Variants in TTBK1 observed in about 807,000 individuals in gnomAD.
TTBK1 encodes tau-tubulin kinase 1.
In TTBK1, 34 loss-of-function variants were observed where a neutral mutation model predicts 108.5. The observed-to-expected ratio is 0.31, with a 90% CI of 0.24 to 0.42. The LOEUF (loss-of-function observed/expected upper bound fraction) is 0.42, where lower values mean the gene tolerates loss of function less well. Among genes scored for constraint, TTBK1 ranks in the 10% least tolerant of loss-of-function variants. The pLI is 1.00. For synonymous variants in TTBK1, 809 were observed against 795.1 expected (o/e 1.02, Z -0.29); for missense variants, 1,539 against 1,826.0 (o/e 0.84, Z 2.86).
rs1177789881 is a variant in TTBK1 at position 43,253,675 on chromosome 6, C to T, written c.438C>T (p.His146=). 6.2e-7 allele frequency: 1 copy of T among 1,613,612 alleles called. No individual in the cohort carries two copies. Among genetic ancestry groups the T allele is most frequent in the South Asian group, 1.1e-5 (1 of 91,036 alleles). The stretch of plus-strand genomic sequence containing the variant: ...TCTTGGAGTCCATCGAGGCCATCCA[C>T]TCTGTGGGCTTCCTGCACCGTGACA... ...KQILESIEAI[H]SVGFLHRDIK... The change falls in exon 5 of 15, where the codon CAC becomes CAT. Residue 146 remains histidine, a synonymous_variant. Transcript: ENST00000259750. The surrounding 1 kb of genome is among the most constrained non-coding windows in gnomAD (Gnocchi z 5.8).
In TTBK1 at chr6:43,285,650, G is replaced by C. The variant is rs886451178; in HGVS notation, c.*274G>C. Reference sequence around the variant, plus strand: ...TCATCCTCCCGCCGCCCGTCAGGCCGGCCAGCCTCACATCAGTCTCTCCGC... The same window carrying C: ...TCATCCTCCCGCCGCCCGTCAGGCCCGCCAGCCTCACATCAGTCTCTCCGC... On this transcript the variant is annotated 3_prime_UTR_variant, in exon 15 of 15. Transcript: ENST00000259750. The surrounding 1 kb of genome is among the most constrained non-coding windows in gnomAD (Gnocchi z 4.7). 1.0e-5 allele frequency: 3 copies of C among 294,044 alleles called. No homozygotes were observed. Among genetic ancestry groups the C allele is most frequent in the Non-Finnish European group, 1.2e-5 (2 of 161,522 alleles). 18.2% of individuals were successfully genotyped at this position (294,044 alleles called of 1,614,324 possible).
intron 9 of TTBK1, among the ~76,000 whole-genome samples, chr6:43,256,909 C>T (rs539666232): frequency 4.7e-4 from 71 of 152,244 alleles, no homozygotes; most frequent in African/African-American, 1.4e-3. Flanking sequence ...CTTCTGACTC[C>T]GAGTCCAGGG....
In TTBK1 at chr6:43,260,508, T is replaced by C. The variant is rs114724978; in HGVS notation, c.1424+802T>C. On this transcript the variant is annotated intron_variant, in intron 12 of 14. Transcript: ENST00000259750. ...TATCCTTTCTGGCATCCACTCTGTG[T>C]GTCTCCTTGTGAGCAACCTCAGTCC... Among the ~76,000 whole-genome samples the C allele has an allele frequency of 9.1e-3, 1,384 of 152,340 alleles. 10 individuals carry two copies. The highest frequency in any genetic ancestry group is 0.014 in the Non-Finnish European group (979 of 68,032).
chr6:43,276,191 A>G lies in TTBK1; in HGVS notation c.1987-6536A>G, dbSNP rs1216356951. ...CCTCGACCCCCCATTTTGTACTGCAATAATACTGTATTATACGCTTGCACT... is the reference window on the plus strand; with the variant it reads ...CCTCGACCCCCCATTTTGTACTGCAGTAATACTGTATTATACGCTTGCACT... On this transcript the variant is annotated intron_variant, in intron 13 of 14. Coordinates refer to ENST00000259750, the MANE Select transcript of TTBK1 (RefSeq NM_032538.3). The surrounding 1 kb of genome is among the most constrained non-coding windows in gnomAD (Gnocchi z 5.4). Among the ~76,000 whole-genome samples, 1 of 152,092 alleles carries G rather than the reference A, an allele frequency of 6.6e-6. No homozygotes were observed. Among genetic ancestry groups the G allele is most frequent in the African/African-American group, 2.4e-5 (1 of 41,412 alleles).
chr6:43,257,767 C>G lies in TTBK1; in HGVS notation c.862-45C>G. The G allele has an allele frequency of 6.3e-7, 1 of 1,579,090 alleles. No homozygotes were observed. Among genetic ancestry groups the G allele is most frequent in the Non-Finnish European group, 8.6e-7 (1 of 1,157,882 alleles). On this transcript the variant is annotated intron_variant, in intron 9 of 14. Coordinates refer to ENST00000259750, the MANE Select transcript of TTBK1 (RefSeq NM_032538.3). This position sits in a 1 kb window ranked among gnomAD's most constrained non-coding sequence, Gnocchi z 4.5. The stretch of plus-strand genomic sequence containing the variant: ...CAACTGCCCCTTCCTCCTGGCTAGC[C>G]CCCGGATCACCTCTCTGTCCTCCCA...
Position 43,253,848 on chromosome 6 carries a change from G to A in TTBK1, c.471+140G>A. On this transcript the variant is annotated intron_variant, in intron 5 of 14. Coordinates refer to ENST00000259750, the MANE Select transcript of TTBK1 (RefSeq NM_032538.3). This position sits in a 1 kb window ranked among gnomAD's most constrained non-coding sequence, Gnocchi z 5.8. ...AGCCTCTTCTCCCCAAGCCCCTCCT[G>A]CTCTCCTTCCCAGGCCCCATCTCTT... 8.7e-7 allele frequency: 1 copy of A among 1,154,002 alleles called. No homozygotes were observed. The highest frequency in any genetic ancestry group is 1.2e-6 in the Non-Finnish European group (1 of 841,578). 71.5% of individuals were successfully genotyped at this position (1,154,002 alleles called of 1,614,324 possible). A position where few individuals can be genotyped will look rare whatever the true frequency, so the allele number is the denominator to read the frequency against.
rs1024481707 is a variant in TTBK1 at position 43,276,099 on chromosome 6, C to T, written c.1987-6628C>T. ...GATAGGAAGGGGATTAGCGAGAGGACCCTCGCGGAGGTCCTGAGTCCCAGT... is the reference window on the plus strand; with the variant it reads ...GATAGGAAGGGGATTAGCGAGAGGATCCTCGCGGAGGTCCTGAGTCCCAGT... On this transcript the variant is annotated intron_variant, in intron 13 of 14. Transcript: ENST00000259750. This position sits in a 1 kb window ranked among gnomAD's most constrained non-coding sequence, Gnocchi z 5.4. Among the ~76,000 whole-genome samples, 18 of 152,122 alleles carry T rather than the reference C, an allele frequency of 1.2e-4. No individual in the cohort carries two copies. The highest frequency in any genetic ancestry group is 1.9e-4 in the Non-Finnish European group (13 of 68,002).
Position 43,282,401 on chromosome 6 carries a change from T to C in TTBK1, c.1987-326T>C, listed in dbSNP as rs1778189485. Among the ~76,000 whole-genome samples the C allele has an allele frequency of 6.6e-6, 1 of 152,190 alleles. No homozygotes were observed. The highest frequency in any genetic ancestry group is 1.5e-5 in the Non-Finnish European group (1 of 68,034). On this transcript the variant is annotated intron_variant, in intron 13 of 14. Coordinates refer to ENST00000259750, the MANE Select transcript of TTBK1 (RefSeq NM_032538.3). The surrounding 1 kb of genome is among the most constrained non-coding windows in gnomAD (Gnocchi z 5.4). ...TGCTGACTCGGGTGCAGGATGCACATGGCGATGAGAGGGGCTGGGGACATA... is the reference window on the plus strand; with the variant it reads ...TGCTGACTCGGGTGCAGGATGCACACGGCGATGAGAGGGGCTGGGGACATA...
In TTBK1 at chr6:43,276,332, G is replaced by A. The variant is rs1409254809; in HGVS notation, c.1987-6395G>A. Among the ~76,000 whole-genome samples the A allele has an allele frequency of 2.0e-5, 3 of 152,082 alleles. No homozygotes were observed. The highest frequency in any genetic ancestry group is 7.2e-5 in the African/African-American group (3 of 41,394). ...GCTTTTTTTCTTCCTCTCTCTCTCC[G>A]GGGTGCGTCCTCCTTAGTGTACATA... On this transcript the variant is annotated intron_variant, in intron 13 of 14. Transcript: ENST00000259750. This position sits in a 1 kb window ranked among gnomAD's most constrained non-coding sequence, Gnocchi z 5.4.
chr6:43,246,209 C>T (rs1777080595), intron 1 of TTBK1, among the ~76,000 whole-genome samples: 1 of 152,206 alleles, frequency 6.6e-6, no homozygotes, highest in Non-Finnish European at 1.5e-5. Context: ...TGCACAGCTC[C>T]ATGGACATTT....
intron 12 of TTBK1, 76 bp from the exon 13 acceptor site, chr6:43,262,713 C>A: frequency 7.1e-7 from 1 of 1,406,854 alleles, no homozygotes; most frequent in Non-Finnish European, 9.4e-7. Context: ...AGTCACGCCC[C>A]ACCCTGCCGC....
intron 13 of TTBK1, chr6:43,271,310 A>T: frequency 1.0e-6 from 1 of 985,484 alleles, no homozygotes; most frequent in South Asian, 4.7e-5. Flanking sequence ...GCGTTTGTGC[A>T]TGTGGAAGGG....
At position 43,285,329 on chromosome 6, in the gene TTBK1, A is replaced by G; in HGVS notation, c.3919A>G (p.Thr1307Ala). Residue 1307 changes from threonine to alanine, a missense_variant, in exon 15 of 15, where the codon ACC (threonine) becomes GCC (alanine). Transcript: ENST00000259750. This position sits in a 1 kb window ranked among gnomAD's most constrained non-coding sequence, Gnocchi z 4.7. ...RGKLQAQRAT[T>A]KGRAGGAEGR... ...GAAACTCCAGGCTCAGCGCGCAACA[A>G]CCAAAGGCCGGGCAGGAGGCGCGGA... 1.6e-6 allele frequency: 2 copies of G among 1,289,310 alleles called. No individual in the cohort carries two copies. The highest frequency in any genetic ancestry group is 9.8e-7 in the Non-Finnish European group (1 of 1,023,448). The allele number at this position is 1,289,310 out of a possible 1,614,324, so 79.9% of individuals were successfully genotyped here. A position where few individuals can be genotyped will look rare whatever the true frequency, so the allele number is the denominator to read the frequency against.
At position 43,272,374 on chromosome 6, in the gene TTBK1, T is replaced by C. The variant is rs985136311; in HGVS notation, c.1986+9024T>C. On this transcript the variant is annotated intron_variant, in intron 13 of 14. Coordinates refer to ENST00000259750, the MANE Select transcript of TTBK1 (RefSeq NM_032538.3). ...AATATTGAAGATGATGGCACTGGCT[T>C]CAGCCTCATTTCAGCATTACATACA... The C allele has an allele frequency of 8.1e-6, 8 of 985,496 alleles. No homozygotes were observed. The South Asian group carries it at 3.8e-4, about 46-fold the overall frequency. The allele number at this position is 985,496 out of a possible 1,614,324, so 61.0% of individuals were successfully genotyped here. A position where few individuals can be genotyped will look rare whatever the true frequency, so the allele number is the denominator to read the frequency against.
In TTBK1 at chr6:43,285,117, C is replaced by T. The variant is rs749480748; in HGVS notation, c.3707C>T (p.Pro1236Leu). ...CCAGCGCCGCGCAGCCCGCGCCTCC[C>T]CGCGTCCACATCCGCCGCGCGCAAT... ...RPPAPRSPRLPASTSAARNAS... is the reference protein window; with the variant it reads ...RPPAPRSPRLLASTSAARNAS... The change falls in exon 15 of 15, where the codon CCC becomes CTC. Residue 1236 changes from proline to leucine, a missense_variant. Physicochemically the swap from Pro to Leu is moderately conservative, Grantham distance 98 (BLOSUM62 -3). This residue lies in a region of TTBK1 where 1,055 missense variants were observed against 1,086.5 expected (regional missense o/e 0.97). Transcript: ENST00000259750. The surrounding 1 kb of genome is among the most constrained non-coding windows in gnomAD (Gnocchi z 4.7). 4 of 1,469,316 alleles carry T rather than the reference C, an allele frequency of 2.7e-6. No individual in the cohort carries two copies. The East Asian group carries it at 8.9e-5, about 33-fold the overall frequency. 91.0% of individuals were successfully genotyped at this position (1,469,316 alleles called of 1,614,324 possible).
At position 43,285,394 on chromosome 6, in the gene TTBK1, C is replaced by G. The variant is rs1030606008; in HGVS notation, c.*18C>G. Reference sequence around the variant, plus strand: ...CCAGATAATGACGCCCGCTGCTCTCCGCGGTCCCCCACCCTCACCCCGGCC... The same window carrying G: ...CCAGATAATGACGCCCGCTGCTCTCGGCGGTCCCCCACCCTCACCCCGGCC... On this transcript the variant is annotated 3_prime_UTR_variant, in exon 15 of 15. Coordinates refer to ENST00000259750, the MANE Select transcript of TTBK1 (RefSeq NM_032538.3). This position sits in a 1 kb window ranked among gnomAD's most constrained non-coding sequence, Gnocchi z 4.7. 3.2e-6 allele frequency: 4 copies of G among 1,269,060 alleles called. No homozygotes were observed. Among genetic ancestry groups the G allele is most frequent in the Admixed American group, 4.2e-5 (1 of 23,736 alleles). 78.6% of individuals were successfully genotyped at this position (1,269,060 alleles called of 1,614,324 possible). A position where few individuals can be genotyped will look rare whatever the true frequency, so the allele number is the denominator to read the frequency against.
chr6:43,259,268 A>G lies in TTBK1; in HGVS notation c.1247A>G (p.Lys416Arg). The G allele has an allele frequency of 4.5e-6, 7 of 1,547,486 alleles. No individual in the cohort carries two copies. The highest frequency in any genetic ancestry group is 6.1e-6 in the Non-Finnish European group (7 of 1,147,410). Residue 416 changes from lysine to arginine, a missense_variant and splice_region_variant, in exon 11 of 15, where the codon AAA becomes AGA. Around this residue, in one of 5 missense-constraint regions of TTBK1, gnomAD observed 277 missense variants for 332.4 expected, o/e 0.83. Coordinates refer to ENST00000259750, the MANE Select transcript of TTBK1 (RefSeq NM_032538.3). This position sits in a 1 kb window ranked among gnomAD's most constrained non-coding sequence, Gnocchi z 6.7. ...NRNKLRINIG[K>R]SPCVEEEQSR... ...AACAAACTCCGGATCAACATCGGCA[A>G]AGTAACTGCCGCCAGGGCGAAGGGC...
chr6:43,246,811 G>A (rs1777101344), intron 2 of TTBK1, 43 bp downstream of exon 2: 3 of 1,525,496 alleles, frequency 2.0e-6, no homozygotes, highest in Non-Finnish European at 2.7e-6. Context: ...GTAGCGGGGA[G>A]GGAGGCGAGG....
rs867322555 is a variant in TTBK1, at chr6:43,261,829, A to G, written c.1425-960A>G. Among the ~76,000 whole-genome samples, 244 of 150,454 alleles carry G rather than the reference A, an allele frequency of 1.6e-3. 4 individuals carry two copies. In the Middle Eastern group the frequency reaches 0.045, roughly 27 times the overall value. The stretch of plus-strand genomic sequence containing the variant: ...GTCTCAAAAAAAAAAAAAAAAAAAA[A>G]GATAACGACAGAAGAGATGTCCCAA... On this transcript the variant is annotated intron_variant, in intron 12 of 14. Transcript: ENST00000259750.
Sources: allele counts gnomAD v4.1 joint callset (sites outside exome capture counted in the v4.1 genomes callset), GRCh38; gene constraint gnomAD v4.1.1; regional missense constraint gnomAD v4.1.1; non-coding constraint Gnocchi (gnomAD v3.1); transcripts MANE v1.5; gene names NCBI Gene and HGNC (gene_info 2026-07-23, HGNC 2026-07-21).